The following ANK3 variants were observed in gnomAD, a reference collection of about 807,000 sequenced individuals.
ANK3 encodes the protein ankyrin-3.
ANK3 carries 57 observed loss-of-function variants against 370.9 expected under a neutral mutation model. The observed-to-expected ratio is 0.15, with a 90% confidence interval of 0.12 to 0.19. The LOEUF is 0.19. Among genes scored for constraint, ANK3 ranks in the 10% least tolerant of loss-of-function variants. The pLI is 1.00. For synonymous variants in ANK3, 1,929 were observed against 1,946.3 expected (o/e 0.99, Z 0.23); for missense variants, 4,439 against 5,302.1 (o/e 0.84, Z 5.06).
intron 2 of ANK3, among the ~76,000 whole-genome samples, chr10:60,461,962 T>TG (rs1435265034): frequency 2.0e-5 from 3 of 152,020 alleles, no homozygotes; most frequent in African/African-American, 7.3e-5. Flanking sequence ...AGTCAGCGGG[T>TG]GGGGGACCCA....
chr10:60,233,310 G>C (rs2097276277), intron 8 of ANK3, among the ~76,000 whole-genome samples: 1 of 152,110 alleles, frequency 6.6e-6, no homozygotes, highest in Non-Finnish European at 1.5e-5. Flanking sequence ...GCTAAGTTTA[G>C]AATTTGGATT....
At chr10:60,036,585 G>A (rs143939089) in intron 43 of ANK3, among the ~76,000 whole-genome samples, 2,381 of 151,620 alleles carry the variant, frequency 0.016, 33 homozygotes, top group Non-Finnish European at 0.025. Flanking sequence ...ACAGGTGCCC[G>A]CCACCACACC....
chr10:60,390,432 G>A (rs746170338), upstream of ANK3, among the ~76,000 whole-genome samples: 31 of 152,114 alleles, frequency 2.0e-4, no homozygotes, highest in Non-Finnish European at 3.4e-4. Context: ...CAGTGTTTCT[G>A]AGTCACTGAA....
rs200923447 is a variant in ANK3 at position 60,271,064 on chromosome 10, AT to A, written c.415-836del. ...TATTACATCTTTTCCTACTAAAAAAATGTTGTATATATATTTTTTCTCTAGA... is the reference window on the plus strand; with the variant it reads ...TATTACATCTTTTCCTACTAAAAAAAGTTGTATATATATTTTTTCTCTAGA... On this transcript the variant is annotated intron_variant, in intron 4 of 43. Coordinates refer to ENST00000280772, the MANE Select transcript of ANK3 (RefSeq NM_020987.5). Among the ~76,000 whole-genome samples, 1,144 of 152,268 alleles carry A rather than the reference AT, an allele frequency of 7.5e-3. 15 individuals carry two copies. Among genetic ancestry groups the A allele is most frequent in the African/African-American group, 0.026 (1,087 of 41,546 alleles).
chr10:60,042,608 T>C, intron 43 of ANK3, 64 bp downstream of exon 43: 2 of 1,437,722 alleles, frequency 1.4e-6, no homozygotes, highest in Non-Finnish European at 1.9e-6. Context: ...ATCACTTATT[T>C]AGTGAAAAAT....
At chr10:60,226,637 A>G (rs2097168202) in intron 8 of ANK3, among the ~76,000 whole-genome samples, 1 of 93,738 alleles carries the variant, frequency 1.1e-5, no homozygotes, top group South Asian at 4.5e-4. Flanking sequence ...TATTATATAT[A>G]GTATAGATAA....
chr10:60,568,244 C>T (rs925676484), intron 2 of ANK3, among the ~76,000 whole-genome samples: 1 of 152,140 alleles, frequency 6.6e-6, no homozygotes, highest in Admixed American at 6.5e-5. Context: ...GCAAACTTCA[C>T]TGTTGTCTTA....
intron 1 of ANK3, among the ~76,000 whole-genome samples, chr10:60,345,448 T>A (rs904684723): frequency 6.6e-6 from 1 of 152,166 alleles, no homozygotes; most frequent in Non-Finnish European, 1.5e-5. Flanking sequence ...GAAAGGGTAA[T>A]TTTTTAAGTG....
chr10:60,204,476 A>G (rs922922002), intron 11 of ANK3, among the ~76,000 whole-genome samples: 1 of 152,230 alleles, frequency 6.6e-6, no homozygotes, highest in African/African-American at 2.4e-5. Flanking sequence ...AAGCCTGACA[A>G]TATGGCAAAT....
At chr10:60,390,755 CACACACACACAA>C (rs1330769189), upstream of ANK3, among the ~76,000 whole-genome samples, 68 of 92,272 alleles carry the variant, frequency 7.4e-4, 1 homozygote, top group African/African-American at 1.5e-3. Flanking sequence ...CACACACACA[CACACACACACAA>C]ACAACAATTT....
chr10:60,187,016 G>T, intron 16 of ANK3, 104 bp from the exon 17 acceptor site: 4 of 1,126,524 alleles, frequency 3.6e-6, no homozygotes, highest in Admixed American at 1.9e-5. Context: ...TTCTATGATT[G>T]CTTAAGAAAT....
intron 1 of ANK3, among the ~76,000 whole-genome samples, chr10:60,669,087 G>A (rs2079034693): frequency 1.3e-5 from 2 of 152,144 alleles, no homozygotes; most frequent in Non-Finnish European, 2.9e-5. Flanking sequence ...TTGAGAAAGG[G>A]GCTAAGTGGT....
At chr10:60,226,793 A>C (rs557357634) in intron 8 of ANK3, among the ~76,000 whole-genome samples, 1 of 147,186 alleles carries the variant, frequency 6.8e-6, no homozygotes, top group Non-Finnish European at 1.5e-5. Context: ...ATACCACTTT[A>C]TGTATAACAA....
At chr10:60,249,773 C>A (rs1246182368) in intron 7 of ANK3, among the ~76,000 whole-genome samples, 1 of 152,188 alleles carries the variant, frequency 6.6e-6, no homozygotes, top group African/African-American at 2.4e-5. Context: ...GTGGCCGATA[C>A]CCCATCCTCA....
intron 1 of ANK3, among the ~76,000 whole-genome samples, chr10:60,353,161 T>TTTG (rs1555329767): frequency 6.7e-6 from 1 of 149,350 alleles, no homozygotes; most frequent in Non-Finnish European, 1.5e-5. Context: ...TTGTTTTGTT[T>TTTG]TTTTTTTTTT....
At chr10:60,202,883 G>T in intron 12 of ANK3, 119 bp downstream of exon 12, 1 of 653,010 alleles carries the variant, frequency 1.5e-6, no homozygotes. Flanking sequence ...TTCCAGTCTG[G>T]GAGACAGAGC....
chr10:60,092,508 C>A (rs1294637122), intron 28 of ANK3, among the ~76,000 whole-genome samples: 4 of 152,052 alleles, frequency 2.6e-5, no homozygotes, highest in Non-Finnish European at 5.9e-5. Context: ...CAGGGTTCAA[C>A]CCAGATTTAA....
chr10:60,048,359 C>T (rs550217420), intron 42 of ANK3, among the ~76,000 whole-genome samples: 1 of 152,356 alleles, frequency 6.6e-6, no homozygotes, highest in South Asian at 2.1e-4. Context: ...CAGCCCAATG[C>T]TGCCCTCTTC....
chr10:60,160,673 T>A (rs186365281), intron 23 of ANK3, among the ~76,000 whole-genome samples: 1 of 152,088 alleles, frequency 6.6e-6, no homozygotes, highest in East Asian at 1.9e-4. Flanking sequence ...AAACCATATA[T>A]AACAACATAG....
Sources: gnomAD v4.1 joint callset for allele counts (sites outside exome capture counted in the v4.1 genomes callset) on GRCh38, gnomAD v4.1.1 for gene constraint, MANE v1.5 for transcripts, NCBI Gene and HGNC (gene_info 2026-07-23, HGNC 2026-07-21) for gene names.